Variants in UNC13C observed in about 807,000 individuals in gnomAD.
UNC13C encodes the protein unc-13 homolog C.
A neutral mutation model predicts 245.4 loss-of-function variants in UNC13C; 174 were observed. The ratio of observed to expected loss-of-function variants is 0.71; its 90% CI spans 0.63 to 0.80. The LOEUF is 0.80. Among genes scored for constraint, UNC13C ranks in the 30% least tolerant of loss-of-function variants. The pLI is 0.00. For synonymous variants in UNC13C, 992 were observed against 895.1 expected (o/e 1.11, Z -1.93); for missense variants, 2,829 against 2,602.9 (o/e 1.09, Z -1.89).
chr15:53,956,488 T>G, the UNC13C span, among the ~76,000 whole-genome samples: 2 of 151,136 alleles, frequency 1.3e-5, no homozygotes, highest in Non-Finnish European at 2.9e-5. Context: ...GTTCTTAACT[T>G]TTATGTAATC....
At chr15:54,358,399 CCTTTGGGTAGT>C (rs2039147051) in intron 17 of UNC13C, among the ~76,000 whole-genome samples, 2 of 151,956 alleles carry the variant, frequency 1.3e-5, no homozygotes, top group South Asian at 4.1e-4. Context: ...TCTTTAGCTC[CCTTTGGGTAGT>C]ACAGACATTT....
chr15:54,019,774 T>C (rs1197422691), intron 2 of UNC13C, among the ~76,000 whole-genome samples: 1 of 152,210 alleles, frequency 6.6e-6, no homozygotes, highest in African/African-American at 2.4e-5. Flanking sequence ...TTTCCTAAGG[T>C]AGATACTTTG....
At position 54,114,649 on chromosome 15, in the gene UNC13C, A is replaced by G. The variant is rs1461485056; in HGVS notation, c.2984-28369A>G. Among the ~76,000 whole-genome samples, 3 of 152,186 alleles carry G rather than the reference A, an allele frequency of 2.0e-5. No homozygotes were observed. The East Asian group carries it at 5.8e-4, about 29-fold the overall frequency. Reference sequence around the variant, plus strand: ...TTTTGCTACTGCAAATAATGCAGTAAACATATTTCTACATATAACCTTTTA... The same window carrying G: ...TTTTGCTACTGCAAATAATGCAGTAGACATATTTCTACATATAACCTTTTA... On this transcript the variant is annotated intron_variant, in intron 2 of 32. Coordinates refer to ENST00000260323, the MANE Select transcript of UNC13C (RefSeq NM_001080534.3).
chr15:54,187,935 A>G (rs1298806122), intron 4 of UNC13C, among the ~76,000 whole-genome samples: 3 of 151,936 alleles, frequency 2.0e-5, no homozygotes, highest in African/African-American at 7.2e-5. Flanking sequence ...TCAGTCTCCC[A>G]AGTAGCTGGG....
intron 2 of UNC13C, among the ~76,000 whole-genome samples, chr15:54,054,730 C>T (rs886317120): frequency 6.6e-6 from 1 of 152,130 alleles, no homozygotes; most frequent in African/African-American, 2.4e-5. Context: ...TTGCATTAAA[C>T]CTGTATTTTC....
chr15:54,153,160 G>T (rs562589651), intron 4 of UNC13C, among the ~76,000 whole-genome samples: 5 of 152,196 alleles, frequency 3.3e-5, no homozygotes, highest in Non-Finnish European at 7.4e-5. Flanking sequence ...GAACTGCACT[G>T]TAATCCATAT....
chr15:54,349,620 C>T (rs903742245), intron 17 of UNC13C, among the ~76,000 whole-genome samples: 1 of 151,814 alleles, frequency 6.6e-6, no homozygotes, highest in African/African-American at 2.4e-5. Context: ...TCAACAATAC[C>T]AAAAAAAGAT....
chr15:54,093,286 A>G (rs1026417242), intron 2 of UNC13C, among the ~76,000 whole-genome samples: 1 of 151,862 alleles, frequency 6.6e-6, no homozygotes, highest in Non-Finnish European at 1.5e-5. Context: ...TCAATATTGC[A>G]TAGATAAAAT....
At chr15:54,447,713 C>CA (rs1292243373) in intron 19 of UNC13C, among the ~76,000 whole-genome samples, 1 of 151,882 alleles carries the variant, frequency 6.6e-6, no homozygotes, top group Non-Finnish European at 1.5e-5. Flanking sequence ...TTGATCTTTT[C>CA]AAAAAAACCA....
At chr15:54,381,020 C>CA (rs1226699098) in intron 17 of UNC13C, among the ~76,000 whole-genome samples, 1 of 151,974 alleles carries the variant, frequency 6.6e-6, no homozygotes, top group Non-Finnish European at 1.5e-5. Context: ...GGATCACATC[C>CA]AAAAAAATCT....
chr15:54,504,565 A>T (rs1288468303), intron 22 of UNC13C, among the ~76,000 whole-genome samples: 3 of 152,132 alleles, frequency 2.0e-5, no homozygotes, highest in African/African-American at 7.2e-5. Context: ...GAATCTCACT[A>T]TTTGTTTTTT....
chr15:54,390,765 G>T (rs1056967379), intron 17 of UNC13C, among the ~76,000 whole-genome samples: 4 of 151,704 alleles, frequency 2.6e-5, no homozygotes, highest in Non-Finnish European at 5.9e-5. Flanking sequence ...GATTTCTAGG[G>T]TATATTAAAA....
chr15:54,392,110 A>G (rs1048515683), intron 17 of UNC13C, among the ~76,000 whole-genome samples: 1 of 152,106 alleles, frequency 6.6e-6, no homozygotes, highest in South Asian at 2.1e-4. Flanking sequence ...AACTTTTCAT[A>G]TACTTAAGCG....
Position 54,494,662 on chromosome 15 carries a change from A to G in UNC13C, c.4988A>G (p.Lys1663Arg), listed in dbSNP as rs1257161474. ...KSTDYMNLHF[K>R]VKWFYNEYVR... ...ACCGATTATATGAATTTGCATTTCA[A>G]AGTTAAATGGTTTTATAATGAATAT... The change falls in exon 20 of 33, where the codon AAA becomes AGA. Residue 1663 changes from lysine to arginine, a missense_variant. Transcript: ENST00000260323. The G allele has an allele frequency of 6.2e-7, 1 of 1,611,712 alleles. No individual in the cohort carries two copies. Among genetic ancestry groups the G allele is most frequent in the Non-Finnish European group, 8.5e-7 (1 of 1,178,714 alleles).
rs1431865208 is a variant in UNC13C at position 54,627,388 on chromosome 15, T to TAAAC, written c.*277_*280dup. On this transcript the variant is annotated 3_prime_UTR_variant, in exon 33 of 33. Coordinates refer to ENST00000260323, the MANE Select transcript of UNC13C (RefSeq NM_001080534.3). ...GTTTCTTTACCCATTTCACATTCAT[T>TAAAC]AAACATAATTTTTAAAAACTAGTCT... is the stretch of plus-strand genomic sequence containing the variant. The TAAAC allele has an allele frequency of 1.2e-5, 3 of 254,452 alleles. No individual in the cohort carries two copies. Among genetic ancestry groups the TAAAC allele is most frequent in the African/African-American group, 2.2e-5 (1 of 45,158 alleles). The allele number at this position is 254,452 out of a possible 1,614,324, so 15.8% of individuals were successfully genotyped here.
chr15:54,165,319 A>G (rs1246968560), intron 4 of UNC13C, among the ~76,000 whole-genome samples: 1 of 152,224 alleles, frequency 6.6e-6, no homozygotes, highest in East Asian at 1.9e-4. Flanking sequence ...ATATATTTCA[A>G]TAAATTCTGT....
intron 1 of UNC13C, among the ~76,000 whole-genome samples, chr15:54,001,137 A>G (rs1894867840): frequency 6.6e-6 from 1 of 152,166 alleles, no homozygotes. Context: ...ACAGGTTTTG[A>G]TAAATTTATT....
At chr15:54,213,436 A>C (rs1759979449) in intron 4 of UNC13C, among the ~76,000 whole-genome samples, 1 of 151,962 alleles carries the variant, frequency 6.6e-6, no homozygotes, top group Non-Finnish European at 1.5e-5. Flanking sequence ...ACAATTTTTA[A>C]TGTGTATTAT....
the UNC13C span, among the ~76,000 whole-genome samples, chr15:53,869,121 T>C: frequency 6.6e-6 from 1 of 152,040 alleles, no homozygotes; most frequent in Non-Finnish European, 1.5e-5. Context: ...AAGTCATAAA[T>C]ACAGAAAGCA....
Sources: gnomAD v4.1 joint callset for allele counts (sites outside exome capture counted in the v4.1 genomes callset) on GRCh38, gnomAD v4.1.1 for gene constraint, MANE v1.5 for transcripts, NCBI Gene and HGNC (gene_info 2026-07-23, HGNC 2026-07-21) for gene names.